Variants in RTF1 observed in about 807,000 individuals in gnomAD.
RTF1 encodes RNA polymerase-associated protein RTF1 homolog.
In RTF1, 10 loss-of-function variants were observed where a neutral mutation model predicts 95.7. That is an observed-to-expected ratio of 0.10 (90% confidence interval 0.06 to 0.18). RTF1 has a LOEUF of 0.18. Ranked by LOEUF, RTF1 falls within the 10% of genes least tolerant of loss-of-function variation. RTF1 has a pLI of 1.00. For synonymous variants in RTF1, 305 were observed against 311.8 expected (o/e 0.98, Z 0.23); for missense variants, 458 against 875.6 (o/e 0.52, Z 6.02).
rs2050968255 is a variant in RTF1 at position 41,480,762 on chromosome 15, A to G, written c.*75A>G. 28 of 1,088,742 alleles carry G rather than the reference A, an allele frequency of 2.6e-5. No individual in the cohort carries two copies. The South Asian group carries it at 3.6e-4, about 14-fold the overall frequency. 67.4% of individuals were successfully genotyped at this position (1,088,742 alleles called of 1,614,324 possible). A position where few individuals can be genotyped will look rare whatever the true frequency, so the allele number is the denominator to read the frequency against. ...CACCTTTCCTCCTTTCCTTTGATTT[A>G]GCCTCTTTGGGCTGGAGCAGCTGTT... is the stretch of plus-strand genomic sequence containing the variant. On this transcript the variant is annotated 3_prime_UTR_variant, in exon 18 of 18. Transcript: ENST00000389629.
chr15:41,461,773 G>A (rs1055755457), intron 4 of RTF1, among the ~76,000 whole-genome samples: 2 of 151,892 alleles, frequency 1.3e-5, no homozygotes, highest in Admixed American at 6.6e-5. Context: ...ACAGGTGTGA[G>A]CCACCGTGCC....
chr15:41,473,318 G>A (rs2050924262), intron 8 of RTF1, among the ~76,000 whole-genome samples: 1 of 151,774 alleles, frequency 6.6e-6, no homozygotes, highest in African/African-American at 2.4e-5. Context: ...ATTTTTAGTA[G>A]AGACGGGGTT....
At chr15:41,444,298 A>ATTT (rs879695308) in intron 2 of RTF1, among the ~76,000 whole-genome samples, 1 of 143,116 alleles carries the variant, frequency 7.0e-6, no homozygotes, top group African/African-American at 2.5e-5. Context: ...TACTTGCTAG[A>ATTT]TTTTTTTTTT....
chr15:41,474,565 G>T (rs2050932904), intron 8 of RTF1, 55 bp from the exon 9 acceptor site: 2 of 1,245,290 alleles, frequency 1.6e-6, no homozygotes, highest in Non-Finnish European at 1.2e-6. Context: ...GAAGAGTGTT[G>T]TGGAAAGCTC....
intron 14 of RTF1, 137 bp from the exon 15 acceptor site, chr15:41,478,410 TA>T (rs397945744): frequency 0.22 from 110,586 of 507,522 alleles, no homozygotes; most frequent in East Asian, 0.26. Flanking sequence ...CAAAAAAAAT[TA>T]AAAAAAAAAA....
At chr15:41,420,149 A>C (rs1220397639) in intron 1 of RTF1, among the ~76,000 whole-genome samples, 1 of 152,164 alleles carries the variant, frequency 6.6e-6, no homozygotes, top group Non-Finnish European at 1.5e-5. Context: ...CCAATTCTAA[A>C]TATCTATTTG....
Position 41,477,531 on chromosome 15 carries a change from C to T in RTF1, c.1740+16C>T. 1 of 1,607,068 alleles carries T rather than the reference C, an allele frequency of 6.2e-7. No homozygotes were observed. Among genetic ancestry groups the T allele is most frequent in the Non-Finnish European group, 8.5e-7 (1 of 1,173,532 alleles). On this transcript the variant is annotated intron_variant, in intron 14 of 17. Coordinates refer to ENST00000389629, the MANE Select transcript of RTF1 (RefSeq NM_015138.5). ...GGCCCTTGTGGTAAGAAAACTTTAT[C>T]TGAATCACTAAAACAAAGTTAATTA...
intron 1 of RTF1, among the ~76,000 whole-genome samples, chr15:41,422,640 C>T (rs2050608166): frequency 6.6e-6 from 1 of 152,190 alleles, no homozygotes; most frequent in African/African-American, 2.4e-5. Context: ...GCTATGTGCA[C>T]ACTGGGATGC....
At chr15:41,458,649 C>T (rs1166188105) in intron 4 of RTF1, among the ~76,000 whole-genome samples, 18 of 151,264 alleles carry the variant, frequency 1.2e-4, no homozygotes, top group East Asian at 3.9e-4. Context: ...CTCAGGAGGC[C>T]GAGGCAGGAG....
At chr15:41,451,985 C>G (rs1281167400) in intron 2 of RTF1, among the ~76,000 whole-genome samples, 1 of 151,788 alleles carries the variant, frequency 6.6e-6, no homozygotes, top group Non-Finnish European at 1.5e-5. Flanking sequence ...ATCACTTGAG[C>G]CCAGGAGTTC....
chr15:41,475,637 A>G (rs758207079), intron 10 of RTF1, 25 bp downstream of exon 10: 2 of 1,600,142 alleles, frequency 1.2e-6, no homozygotes, highest in Middle Eastern at 1.7e-4. Context: ...ATTACCTAGC[A>G]GTTGTTCGTG....
intron 8 of RTF1, among the ~76,000 whole-genome samples, chr15:41,474,225 A>G (rs35155461): frequency 0.021 from 3,254 of 152,230 alleles, 60 homozygotes; most frequent in South Asian, 0.062. Flanking sequence ...TATGTGTGTT[A>G]TCCCCTTGTA....
chr15:41,438,281 CTGTT>C, intron 1 of RTF1, 36 bp from the exon 2 acceptor site: 1 of 1,345,534 alleles, frequency 7.4e-7, no homozygotes, highest in Non-Finnish European at 1.0e-6. Context: ...TATTCTTTCT[CTGTT>C]GAACAAAACT....
In RTF1 at chr15:41,480,948, TTG is replaced by T. The variant is rs1009573418; in HGVS notation, c.*265_*266del. 3 of 471,966 alleles carry T rather than the reference TTG, an allele frequency of 6.4e-6. No individual in the cohort carries two copies. Among genetic ancestry groups the T allele is most frequent in the African/African-American group, 5.8e-5 (3 of 51,484 alleles). 29.2% of individuals were successfully genotyped at this position (471,966 alleles called of 1,614,324 possible). ...TTGGGCTTTATCCATGTCTTTAGAT[TTG>T]TGTTTGCCTTTTGTTTTTTTAACCG... is the stretch of plus-strand genomic sequence containing the variant. On this transcript the variant is annotated 3_prime_UTR_variant, in exon 18 of 18. Transcript: ENST00000389629.
intron 3 of RTF1, among the ~76,000 whole-genome samples, chr15:41,456,028 T>C (rs946597908): frequency 6.6e-6 from 1 of 151,828 alleles, no homozygotes; most frequent in Non-Finnish European, 1.5e-5. Flanking sequence ...TGGACCAACA[T>C]ATTTTCATCT....
intron 2 of RTF1, 37 bp downstream of exon 2, chr15:41,438,468 A>G (rs1595428689): frequency 7.2e-7 from 1 of 1,396,308 alleles, no homozygotes; most frequent in African/African-American, 1.4e-5. Context: ...GGACCATTAG[A>G]TAGTTGAGGC....
At chr15:41,440,968 CTTTTTT>C (rs55996061) in intron 2 of RTF1, among the ~76,000 whole-genome samples, 6 of 115,426 alleles carry the variant, frequency 5.2e-5, no homozygotes, top group Admixed American at 9.5e-5. Context: ...CTAGTCCCCT[CTTTTTT>C]TTTTTTTTTT....
intron 16 of RTF1, among the ~76,000 whole-genome samples, chr15:41,480,004 A>C (rs316606): frequency 0.19 from 28,301 of 152,108 alleles, 3,409 homozygotes; most frequent in Non-Finnish European, 0.26. Context: ...CATACCACAG[A>C]CACAAGCCTG....
rs550105916 is a variant in RTF1, at chr15:41,457,457, C to T, written c.458-215C>T. Among the ~76,000 whole-genome samples, 15 of 151,620 alleles carry T rather than the reference C, an allele frequency of 9.9e-5. No homozygotes were observed. In the East Asian group the frequency reaches 1.2e-3, roughly 12 times the overall value. On this transcript the variant is annotated intron_variant, in intron 3 of 17. Coordinates refer to ENST00000389629, the MANE Select transcript of RTF1 (RefSeq NM_015138.5). Reference sequence around the variant, plus strand: ...CTGAGGCAGGAGAATCGCTTGAACCCGGGAGGTGGAGGAGCTGAGATTGTG... The same window carrying T: ...CTGAGGCAGGAGAATCGCTTGAACCTGGGAGGTGGAGGAGCTGAGATTGTG...
Sources: gnomAD v4.1 joint callset for allele counts (sites outside exome capture counted in the v4.1 genomes callset) on GRCh38, gnomAD v4.1.1 for gene constraint, MANE v1.5 for transcripts, NCBI Gene and HGNC (gene_info 2026-07-23, HGNC 2026-07-21) for gene names.